The following TANC2 variants were observed in gnomAD, a reference collection of about 807,000 sequenced individuals.
TANC2 encodes the protein protein TANC2.
In TANC2, 26 loss-of-function variants were observed where a neutral mutation model predicts 210.5. The ratio of observed to expected loss-of-function variants is 0.12; its 90% CI spans 0.09 to 0.17. The LOEUF (loss-of-function observed/expected upper bound fraction) is 0.17. Ranked by LOEUF, TANC2 falls within the 10% of genes least tolerant of loss-of-function variation. The pLI, the probability that TANC2 is intolerant of heterozygous loss-of-function variation, is 1.00. For synonymous variants in TANC2, 931 were observed against 967.1 expected (o/e 0.96, Z 0.69); for missense variants, 2,129 against 2,608.9 (o/e 0.82, Z 4.01).
chr17:63,091,465 G>C (rs1489641561), intron 3 of TANC2, among the ~76,000 whole-genome samples: 2 of 152,114 alleles, frequency 1.3e-5, no homozygotes, highest in Non-Finnish European at 2.9e-5. Context: ...TATTAAATAG[G>C]GAATCCTTCC....
At chr17:63,251,581 A>G (rs1404050830) in intron 8 of TANC2, among the ~76,000 whole-genome samples, 4 of 152,192 alleles carry the variant, frequency 2.6e-5, no homozygotes, top group Non-Finnish European at 4.4e-5. Flanking sequence ...TTAATAAGAA[A>G]AAAAGGCAGT....
intron 1 of TANC2, among the ~76,000 whole-genome samples, chr17:62,968,164 A>G (rs2031469952): frequency 6.6e-6 from 1 of 152,224 alleles, no homozygotes; most frequent in African/African-American, 2.4e-5. Flanking sequence ...AGACAACTCC[A>G]TGATCTATTT....
At chr17:63,080,472 C>T (rs910956906) in intron 3 of TANC2, among the ~76,000 whole-genome samples, 22 of 152,142 alleles carry the variant, frequency 1.4e-4, no homozygotes, top group Admixed American at 6.5e-5. Flanking sequence ...ATGATGTCCA[C>T]GAAACCAGCT....
chr17:63,370,459 T>G (rs1012066176), intron 14 of TANC2, among the ~76,000 whole-genome samples: 3 of 152,210 alleles, frequency 2.0e-5, no homozygotes, highest in Non-Finnish European at 4.4e-5. Context: ...ATTACAGGCG[T>G]GAGCCACCAC....
intron 1 of TANC2, among the ~76,000 whole-genome samples, chr17:63,002,616 A>G (rs1184646980): frequency 6.6e-6 from 1 of 152,180 alleles, no homozygotes; most frequent in African/African-American, 2.4e-5. Context: ...TATTACCATC[A>G]TCCTAGAAAG....
At chr17:63,222,967 C>G (rs1120106) in intron 7 of TANC2, among the ~76,000 whole-genome samples, 5 of 152,058 alleles carry the variant, frequency 3.3e-5, no homozygotes. Context: ...GTATGACACA[C>G]TGATACATGC....
intron 7 of TANC2, among the ~76,000 whole-genome samples, chr17:63,214,568 G>T (rs2041973967): frequency 6.6e-6 from 1 of 152,204 alleles, no homozygotes; most frequent in South Asian, 2.1e-4. Flanking sequence ...CAGCAGATTT[G>T]ATATCTGGTG....
chr17:63,242,141 C>G (rs1260087316), intron 8 of TANC2, among the ~76,000 whole-genome samples: 1 of 152,084 alleles, frequency 6.6e-6, no homozygotes, highest in Non-Finnish European at 1.5e-5. Flanking sequence ...TGTAGAATTA[C>G]TTTGCTCTTC....
In TANC2 at chr17:63,418,767, C is replaced by T. The variant is rs764261845; in HGVS notation, c.4268+360C>T. ...ACTTAAGCAGAGCACCCCACCCCCG[C>T]TTTAGAGGGAAAGTAGGATGGTTCA... is the stretch of plus-strand genomic sequence containing the variant. On this transcript the variant is annotated intron_variant, in intron 27 of 27. Coordinates refer to ENST00000689528, the Ensembl canonical transcript of TANC2. The surrounding 1 kb of genome is among the most constrained non-coding windows in gnomAD (Gnocchi z 4.6). 6.6e-6 allele frequency among the ~76,000 whole-genome samples: 1 copy of T among 152,190 alleles called. No individual in the cohort carries two copies. Among genetic ancestry groups the T allele is most frequent in the African/African-American group, 2.4e-5 (1 of 41,444 alleles).
At chr17:63,001,536 T>C (rs1228664413) in intron 1 of TANC2, among the ~76,000 whole-genome samples, 5 of 151,576 alleles carry the variant, frequency 3.3e-5, no homozygotes, top group African/African-American at 1.2e-4. Context: ...TTTTCTTTTT[T>C]TTTTTTCTTT....
At chr17:62,971,900 G>T (rs1227214665) in intron 1 of TANC2, among the ~76,000 whole-genome samples, 1 of 152,116 alleles carries the variant, frequency 6.6e-6, no homozygotes, top group African/African-American at 2.4e-5. Context: ...AACCATCTCT[G>T]CCCCCCTACC....
In TANC2 at chr17:63,245,126, G is replaced by A. The variant is rs183255014; in HGVS notation, c.1033+7049G>A. Among the ~76,000 whole-genome samples, 78 of 152,230 alleles carry A rather than the reference G, an allele frequency of 5.1e-4. 1 individual carries two copies. In the South Asian group the frequency reaches 6.4e-3, roughly 13 times the overall value. The stretch of plus-strand genomic sequence containing the variant: ...TCCACCCAGGCTTCACCATAACTTT[G>A]CTGTTTATCCTTGCTTCAATTTTAG... On this transcript the variant is annotated intron_variant, in intron 8 of 27. Coordinates refer to ENST00000689528, the Ensembl canonical transcript of TANC2.
At chr17:63,077,967 C>G (rs1468355007) in intron 3 of TANC2, among the ~76,000 whole-genome samples, 2 of 152,022 alleles carry the variant, frequency 1.3e-5, no homozygotes, top group African/African-American at 4.8e-5. Context: ...TTTTCATTTT[C>G]TTGTTTTCTA....
intron 2 of TANC2, among the ~76,000 whole-genome samples, chr17:63,064,302 C>T (rs1568356286): frequency 6.6e-6 from 1 of 151,446 alleles, no homozygotes; most frequent in Admixed American, 6.6e-5. Flanking sequence ...ACAAAAATTA[C>T]AAAAAAAAGT....
intron 6 of TANC2, among the ~76,000 whole-genome samples, chr17:63,196,937 G>A (rs998688916): frequency 6.6e-6 from 1 of 152,278 alleles, no homozygotes; most frequent in Admixed American, 6.5e-5. Context: ...TATCCAGGCA[G>A]TCTGCTTTTA....
chr17:63,351,554 T>A, intron 13 of TANC2, 138 bp downstream of exon 13: 1 of 658,812 alleles, frequency 1.5e-6, no homozygotes, highest in Non-Finnish European at 2.3e-6. Flanking sequence ...AGAATTAATC[T>A]AATATTTTGA....
At chr17:62,997,939 T>C (rs2143671508) in intron 1 of TANC2, among the ~76,000 whole-genome samples, 1 of 152,270 alleles carries the variant, frequency 6.6e-6, no homozygotes, top group East Asian at 1.9e-4. Flanking sequence ...CAGGCTGAGA[T>C]GACAGAGAAT....
At chr17:62,994,589 A>G (rs536907299) in intron 1 of TANC2, among the ~76,000 whole-genome samples, 2 of 152,118 alleles carry the variant, frequency 1.3e-5, no homozygotes, top group African/African-American at 4.8e-5. Flanking sequence ...CTTTTGTCAG[A>G]TGCTTTTTCT....
At chr17:63,017,959 T>C (rs538017052) in intron 2 of TANC2, among the ~76,000 whole-genome samples, 11 of 151,318 alleles carry the variant, frequency 7.3e-5, no homozygotes, top group Non-Finnish European at 1.3e-4. Flanking sequence ...CTGGGCAACA[T>C]AGTGAGAACT....
Sources: allele counts gnomAD v4.1 joint callset (sites outside exome capture counted in the v4.1 genomes callset), GRCh38; gene constraint gnomAD v4.1.1; non-coding constraint Gnocchi (gnomAD v3.1); transcripts MANE v1.5; gene names NCBI Gene and HGNC (gene_info 2026-07-23, HGNC 2026-07-21).